The following BRINP3 variants were observed in gnomAD, a reference collection of about 807,000 sequenced individuals.
BRINP3 encodes the protein BMP/retinoic acid-inducible neural-specific protein 3.
Under a neutral mutation model 71.0 loss-of-function variants are expected in BRINP3, and 19 were observed. The observed-to-expected ratio is 0.27, with a 90% CI of 0.19 to 0.39. The LOEUF (loss-of-function observed/expected upper bound fraction) is 0.39. Ranked by LOEUF, BRINP3 falls within the 10% of genes least tolerant of loss-of-function variation. BRINP3 has a pLI of 1.00. For synonymous variants in BRINP3, 380 were observed against 337.7 expected, an observed-to-expected ratio of 1.13 and a Z score of -1.37; for missense variants, 959 against 940.8, an observed-to-expected ratio of 1.02 and a Z score of -0.25.
At chr1:190,427,610 A>C (rs1673797798) in intron 2 of BRINP3, among the ~76,000 whole-genome samples, 1 of 152,042 alleles carries the variant, frequency 6.6e-6, no homozygotes, top group South Asian at 2.1e-4. Flanking sequence ...ATTTGCTAAC[A>C]ACATTTTTAA....
intron 2 of BRINP3, among the ~76,000 whole-genome samples, chr1:190,337,438 G>C (rs911051920): frequency 5.3e-5 from 8 of 152,022 alleles, no homozygotes; most frequent in Admixed American, 2.6e-4. Flanking sequence ...CCCTCAATTT[G>C]GGTGGGCACC....
At chr1:190,203,961 A>C (rs1460449801) in intron 6 of BRINP3, among the ~76,000 whole-genome samples, 1 of 151,104 alleles carries the variant, frequency 6.6e-6, no homozygotes, top group Non-Finnish European at 1.5e-5. Context: ...GTAGATTGGA[A>C]TTTGTTACAA....
intron 2 of BRINP3, among the ~76,000 whole-genome samples, chr1:190,333,357 A>T (rs1347067336): frequency 6.6e-6 from 1 of 151,990 alleles, no homozygotes; most frequent in Non-Finnish European, 1.5e-5. Flanking sequence ...TTTGTTAATA[A>T]CACTAAATTT....
At chr1:190,131,774 AT>A (rs1414528575) in intron 7 of BRINP3, among the ~76,000 whole-genome samples, 1 of 152,030 alleles carries the variant, frequency 6.6e-6, no homozygotes, top group Non-Finnish European at 1.5e-5. Flanking sequence ...CTACAAATGC[AT>A]TTTCATTTAC....
chr1:190,429,593 C>CTT (rs66510191), intron 2 of BRINP3, among the ~76,000 whole-genome samples: 21 of 139,006 alleles, frequency 1.5e-4, no homozygotes, highest in South Asian at 2.3e-4. Flanking sequence ...TTCTTTCTTC[C>CTT]TTTTTTTTTT....
chr1:190,137,573 CAT>C (rs1197587408), intron 7 of BRINP3, among the ~76,000 whole-genome samples: 1 of 152,040 alleles, frequency 6.6e-6, no homozygotes, highest in East Asian at 1.9e-4. Flanking sequence ...GATGTGAGAT[CAT>C]AGAAACTGAA....
intron 2 of BRINP3, among the ~76,000 whole-genome samples, chr1:190,304,223 A>C (rs1000025429): frequency 6.6e-6 from 1 of 151,856 alleles, no homozygotes; most frequent in Non-Finnish European, 1.5e-5. Context: ...TTTCAATTAT[A>C]TAACATCTAT....
intron 2 of BRINP3, among the ~76,000 whole-genome samples, chr1:190,382,647 T>C (rs899191978): frequency 6.6e-6 from 1 of 152,174 alleles, no homozygotes; most frequent in Non-Finnish European, 1.5e-5. Flanking sequence ...GAATATGCCA[T>C]TCAAAGCTGT....
chr1:190,142,241 G>T (rs1349146845), intron 7 of BRINP3, among the ~76,000 whole-genome samples: 1 of 152,010 alleles, frequency 6.6e-6, no homozygotes, highest in South Asian at 2.1e-4. Flanking sequence ...CTAATAATGG[G>T]AATACAAACA....
intron 6 of BRINP3, among the ~76,000 whole-genome samples, chr1:190,169,601 T>G (rs1651840117): frequency 6.6e-6 from 1 of 152,168 alleles, no homozygotes; most frequent in Non-Finnish European, 1.5e-5. Context: ...CAATTATAAT[T>G]TGTAGTTCAA....
At chr1:190,451,983 C>T (rs989153494) in intron 2 of BRINP3, among the ~76,000 whole-genome samples, 1 of 152,140 alleles carries the variant, frequency 6.6e-6, no homozygotes, top group African/African-American at 2.4e-5. Context: ...ATGCAATATT[C>T]CCCTAGAATG....
chr1:190,272,310 A>T (rs1002692083), intron 3 of BRINP3, among the ~76,000 whole-genome samples: 1 of 151,552 alleles, frequency 6.6e-6, no homozygotes. Context: ...AATATGACAT[A>T]ATGAAGGCAA....
chr1:190,119,326 G>C (rs1213648670), intron 7 of BRINP3, among the ~76,000 whole-genome samples: 1 of 151,752 alleles, frequency 6.6e-6, no homozygotes, highest in Non-Finnish European at 1.5e-5. Context: ...CTCCAGGCTG[G>C]AGTGCAGTGG....
intron 2 of BRINP3, among the ~76,000 whole-genome samples, chr1:190,401,950 T>C (rs1023071019): frequency 6.6e-6 from 1 of 151,976 alleles, no homozygotes; most frequent in African/African-American, 2.4e-5. Context: ...ATATATTTGA[T>C]ATGAACAACT....
chr1:190,125,300 A>G (rs1653995840), intron 7 of BRINP3, among the ~76,000 whole-genome samples: 1 of 151,556 alleles, frequency 6.6e-6, no homozygotes, highest in South Asian at 2.1e-4. Context: ...ATACATATGC[A>G]TATTTACAGG....
rs1160144933 is a variant in BRINP3 at position 190,358,001 on chromosome 1, A to ATGTG, written c.237-76252_237-76251insCACA. 1.8e-3 allele frequency among the ~76,000 whole-genome samples: 266 copies of ATGTG among 151,920 alleles called. 2 individuals are homozygous for ATGTG. Among genetic ancestry groups the ATGTG allele is most frequent in the African/African-American group, 6.1e-3 (251 of 41,218 alleles). ...GATCCCTTCCTTACACCTTATACAA[A>ATGTG]AATTAATTCAGGATGGATTAAAGAC... On this transcript the variant is annotated intron_variant, in intron 2 of 7. Transcript: ENST00000367462.
chr1:190,206,816 C>T (rs946104416), intron 6 of BRINP3, among the ~76,000 whole-genome samples: 10 of 151,700 alleles, frequency 6.6e-5, no homozygotes, highest in Admixed American at 2.0e-4. Context: ...TATTTACAAT[C>T]TAAGAAAATG....
At chr1:190,322,277 G>C (rs1666295841) in intron 2 of BRINP3, among the ~76,000 whole-genome samples, 1 of 151,992 alleles carries the variant, frequency 6.6e-6, no homozygotes, top group Non-Finnish European at 1.5e-5. Context: ...GTCCTGATAG[G>C]TTTGTGCATC....
At chr1:190,416,462 T>A (rs1249631597) in intron 2 of BRINP3, among the ~76,000 whole-genome samples, 1 of 152,100 alleles carries the variant, frequency 6.6e-6, no homozygotes. Context: ...GCTAGCACAT[T>A]GTGTGTGCTC....
Sources: allele counts gnomAD v4.1 joint callset (sites outside exome capture counted in the v4.1 genomes callset), GRCh38; gene constraint gnomAD v4.1.1; transcripts MANE v1.5; gene names NCBI Gene and HGNC (gene_info 2026-07-23, HGNC 2026-07-21).